Variants in SYT16 observed in about 807,000 individuals in gnomAD.
SYT16 encodes the protein synaptotagmin 16.
A neutral mutation model predicts 61.4 loss-of-function variants in SYT16; 42 were observed. The ratio of observed to expected loss-of-function variants is 0.68; its 90% confidence interval spans 0.53 to 0.89. SYT16 has a LOEUF of 0.89. Ranked by LOEUF, SYT16 falls within the 40% of genes least tolerant of loss-of-function variation. The probability of loss-of-function intolerance (pLI) is 0.00; values close to 1 mark genes in which losing one functional copy is unlikely to be tolerated. For synonymous variants in SYT16, 314 were observed against 302.3 expected (o/e 1.04, Z -0.40); for missense variants, 804 against 807.3 (o/e 1.00, Z 0.05).
At chr14:61,840,535 C>T (rs2046272902) in intron 1 of SYT16, among the ~76,000 whole-genome samples, 1 of 152,206 alleles carries the variant, frequency 6.6e-6, no homozygotes, top group South Asian at 2.1e-4. Context: ...GTGGCCGTAG[C>T]AGGCAAAGAA....
At chr14:61,926,576 C>CTAAA (rs1467963467) in intron 1 of SYT16, among the ~76,000 whole-genome samples, 1 of 152,256 alleles carries the variant, frequency 6.6e-6, no homozygotes, top group African/African-American at 2.4e-5. Flanking sequence ...ACCTTGGACT[C>CTAAA]TTTAAAGAGC....
intron 4 of SYT16, among the ~76,000 whole-genome samples, chr14:62,073,294 A>T (rs2056367236): frequency 6.6e-6 from 1 of 152,166 alleles, no homozygotes; most frequent in African/African-American, 2.4e-5. Flanking sequence ...TTTCTTGGCA[A>T]AGTAAAATTT....
At chr14:62,075,004 T>C (rs1451940209) in intron 4 of SYT16, 131 bp from the exon 5 acceptor site, 1 of 940,086 alleles carries the variant, frequency 1.1e-6, no homozygotes, top group Admixed American at 2.8e-5. Context: ...AGAATTATGT[T>C]TCTGCAGGTA....
In SYT16 at chr14:61,996,175, A is replaced by C; in HGVS notation, c.156A>C (p.Lys52Asn). 6.2e-7 allele frequency: 1 copy of C among 1,613,488 alleles called. No individual in the cohort carries two copies. Among genetic ancestry groups the C allele is most frequent in the South Asian group, 1.1e-5 (1 of 91,062 alleles). ...AACAAGACTCTAAATTGAGTGACAA[A>C]CTAGATCAGGACTTAGATAATATTC... ...ISKQDSKLSDKLDQDLDNIQI... is the reference protein window; with the variant it reads ...ISKQDSKLSDNLDQDLDNIQI... Residue 52 changes from lysine (K) to asparagine (N), a missense_variant, in exon 3 of 8, where the codon AAA (lysine) becomes AAC (asparagine). Lys to Asn is a moderately conservative substitution (Grantham distance 94). Coordinates refer to ENST00000683842, the MANE Select transcript of SYT16 (RefSeq NM_001367656.1).
At chr14:61,919,611 T>G (rs73260210) in intron 1 of SYT16, among the ~76,000 whole-genome samples, 3,683 of 152,270 alleles carry the variant, frequency 0.024, 150 homozygotes, top group African/African-American at 0.083. Flanking sequence ...CTCTGGTCCT[T>G]CTTATCTGAT....
chr14:61,993,191 C>A (rs1170906446), intron 2 of SYT16, among the ~76,000 whole-genome samples: 1 of 151,390 alleles, frequency 6.6e-6, no homozygotes, highest in Non-Finnish European at 1.5e-5. Flanking sequence ...CATATGCTCA[C>A]TCAAAAGTGG....
At chr14:61,944,953 C>T (rs560382674) in intron 1 of SYT16, among the ~76,000 whole-genome samples, 1 of 152,206 alleles carries the variant, frequency 6.6e-6, no homozygotes, top group Admixed American at 6.5e-5. Flanking sequence ...AACAGGCAAC[C>T]TACAGAACGG....
rs112566308 is a variant in SYT16 at position 62,063,527 on chromosome 14, C to T, written c.524-6076C>T. On this transcript the variant is annotated intron_variant, in intron 3 of 7. Transcript: ENST00000683842. ...AAGGAACTTGCTTAGGTCCCAGACT[C>T]GCAAATATAATATCCCAGTTTTAAA... Among the ~76,000 whole-genome samples the T allele has an allele frequency of 1.5e-3, 225 of 152,206 alleles. 1 individual carries two copies. Among genetic ancestry groups the T allele is most frequent in the African/African-American group, 5.3e-3 (220 of 41,530 alleles).
intron 2 of SYT16, among the ~76,000 whole-genome samples, chr14:61,993,292 T>C (rs1303826122): frequency 6.6e-6 from 1 of 151,820 alleles, no homozygotes; most frequent in Non-Finnish European, 1.5e-5. Context: ...AGGGAGAGCA[T>C]TAGGACAAAT....
chr14:62,001,152 T>C (rs1216527629), intron 3 of SYT16, among the ~76,000 whole-genome samples: 6 of 152,118 alleles, frequency 3.9e-5, no homozygotes, highest in Admixed American at 1.3e-4. Context: ...CATGAACATA[T>C]ACCACTTATG....
intron 1 of SYT16, among the ~76,000 whole-genome samples, chr14:61,865,928 T>C (rs2047138079): frequency 6.6e-6 from 1 of 152,228 alleles, no homozygotes; most frequent in Admixed American, 6.5e-5. Context: ...CTTACGAAAT[T>C]GATCACAGAT....
chr14:62,079,448 G>A lies in SYT16; in HGVS notation c.994-1386G>A, dbSNP rs1482882191. The A allele has an allele frequency of 6.7e-6, 5 of 751,038 alleles. No individual in the cohort carries two copies. In the Admixed American group the frequency reaches 1.8e-4, roughly 27 times the overall value. 46.5% of individuals were successfully genotyped at this position (751,038 alleles called of 1,614,324 possible). A position where few individuals can be genotyped will look rare whatever the true frequency, so the allele number is the denominator to read the frequency against. The stretch of plus-strand genomic sequence containing the variant: ...CAGAAGGTACCATCTCCATTTTACA[G>A]TTGAGGAAAATAGAACATGGAAAGG... On this transcript the variant is annotated intron_variant, in intron 5 of 7. Transcript: ENST00000683842.
intron 1 of SYT16, among the ~76,000 whole-genome samples, chr14:61,906,919 T>C (rs939665038): frequency 2.6e-5 from 4 of 152,210 alleles, no homozygotes; most frequent in African/African-American, 7.2e-5. Context: ...GCACTTTGTG[T>C]CTCACAGAGC....
At chr14:61,990,735 A>G (rs1030884446) in intron 2 of SYT16, among the ~76,000 whole-genome samples, 4 of 152,142 alleles carry the variant, frequency 2.6e-5, no homozygotes. Flanking sequence ...AAGCAACCCC[A>G]TCAGATAGAA....
At position 62,111,422 on chromosome 14, in the gene SYT16, CAT is replaced by C. The variant is rs1392862349; in HGVS notation, c.*10716_*10717del. The C allele has an allele frequency of 6.6e-6, 1 of 152,074 alleles. No homozygotes were observed. Among genetic ancestry groups the C allele is most frequent in the African/African-American group, 2.4e-5 (1 of 41,422 alleles). 9.4% of individuals were successfully genotyped at this position (152,074 alleles called of 1,614,324 possible). On this transcript the variant is annotated 3_prime_UTR_variant, in exon 8 of 8. Coordinates refer to ENST00000683842, the MANE Select transcript of SYT16 (RefSeq NM_001367656.1). ...GCTGCAGATGTATTAACATTGTAAA[CAT>C]GTACTTTTTCTATTCTATGCTTACT...
chr14:62,069,463 A>G, intron 3 of SYT16, 140 bp from the exon 4 acceptor site: 1 of 820,052 alleles, frequency 1.2e-6, no homozygotes, highest in South Asian at 1.8e-5. Flanking sequence ...AGTGCTTTAA[A>G]TTTTTTTTCT....
chr14:62,086,560 A>G (rs1482573043), intron 7 of SYT16, among the ~76,000 whole-genome samples: 4 of 152,366 alleles, frequency 2.6e-5, no homozygotes, highest in Middle Eastern at 3.4e-3. Context: ...TTCCTCATCT[A>G]TAAAAAAGGA....
At position 61,904,651 on chromosome 14, in the gene SYT16, A is replaced by G. The variant is rs186175905; in HGVS notation, c.-324-65481A>G. Among the ~76,000 whole-genome samples the G allele has an allele frequency of 7.2e-5, 11 of 152,328 alleles. No homozygotes were observed. In the East Asian group the frequency reaches 1.3e-3, roughly 19 times the overall value. On this transcript the variant is annotated intron_variant, in intron 1 of 7. Coordinates refer to ENST00000683842, the MANE Select transcript of SYT16 (RefSeq NM_001367656.1). Reference sequence around the variant, plus strand: ...GTGTATCTTTGAACACTGACTTTCTACTCACTGAAGTGATGGTGCCTGAAT... The same window carrying G: ...GTGTATCTTTGAACACTGACTTTCTGCTCACTGAAGTGATGGTGCCTGAAT...
At chr14:61,879,350 C>A (rs185639069) in intron 1 of SYT16, among the ~76,000 whole-genome samples, 3 of 152,192 alleles carry the variant, frequency 2.0e-5, no homozygotes, top group Non-Finnish European at 4.4e-5. Context: ...GTAAGGATGC[C>A]CTTTCAGCCA....
Sources: gnomAD v4.1 joint callset for allele counts (sites outside exome capture counted in the v4.1 genomes callset) on GRCh38, gnomAD v4.1.1 for gene constraint, MANE v1.5 for transcripts, NCBI Gene and HGNC (gene_info 2026-07-23, HGNC 2026-07-21) for gene names.